Variants in EYS observed in about 807,000 individuals in gnomAD.
EYS encodes EGF-like photoreceptor maintenance factor, also known as protein eyes shut homolog.
EYS carries 250 observed loss-of-function variants against 282.1 expected under a neutral mutation model. The observed-to-expected ratio is 0.89, with a 90% CI of 0.80 to 0.98. The LOEUF is 0.98. EYS is among the 50% of genes least tolerant of loss of function. The pLI, the probability that EYS is intolerant of heterozygous loss-of-function variation, is 0.00. For missense variants in EYS, 4,016 were observed against 3,709.0 expected, an observed-to-expected ratio of 1.08 and a Z score of -2.15; for synonymous variants, 1,355 against 1,282.9, an observed-to-expected ratio of 1.06 and a Z score of -1.20.
intron 1 of EYS, among the ~76,000 whole-genome samples, chr6:65,688,834 A>T (rs1582605186): frequency 6.6e-6 from 1 of 151,964 alleles, no homozygotes; most frequent in East Asian, 2.0e-4. Flanking sequence ...ATACCATCTC[A>T]CACCAGTTAG....
At chr6:64,979,892 C>T (rs1189391623) in intron 14 of EYS, among the ~76,000 whole-genome samples, 1 of 151,372 alleles carries the variant, frequency 6.6e-6, no homozygotes, top group African/African-American at 2.4e-5. Context: ...GTGAGTTGGA[C>T]AAATTATTTT....
At chr6:65,377,002 C>T (rs1360714073) in intron 8 of EYS, among the ~76,000 whole-genome samples, 1 of 152,140 alleles carries the variant, frequency 6.6e-6, no homozygotes, top group African/African-American at 2.4e-5. Flanking sequence ...AGGACTTGAA[C>T]TCACCTCTGG....
intron 2 of EYS, among the ~76,000 whole-genome samples, chr6:65,602,138 T>G (rs1765635931): frequency 6.6e-6 from 1 of 151,864 alleles, no homozygotes; most frequent in African/African-American, 2.4e-5. Flanking sequence ...GTTCAACAAT[T>G]TAAAGTATCT....
chr6:64,532,038 A>C (rs1358516368), intron 26 of EYS, among the ~76,000 whole-genome samples: 1 of 152,162 alleles, frequency 6.6e-6, no homozygotes, highest in Non-Finnish European at 1.5e-5. Context: ...GTTTTTATGC[A>C]ATTGTCTCCA....
chr6:64,908,909 C>T (rs1202915759), intron 16 of EYS, among the ~76,000 whole-genome samples: 1 of 152,128 alleles, frequency 6.6e-6, no homozygotes, highest in Non-Finnish European at 1.5e-5. Flanking sequence ...GCGCACCAAA[C>T]AGGAAGACAA....
chr6:64,822,905 C>A, intron 19 of EYS, 83 bp from the exon 20 acceptor site: 1 of 1,138,516 alleles, frequency 8.8e-7, no homozygotes, highest in Non-Finnish European at 1.2e-6. Flanking sequence ...TAAACATCAC[C>A]AAGAAATGAA....
chr6:64,361,532 C>T (rs1227526395), intron 29 of EYS, among the ~76,000 whole-genome samples: 1 of 151,686 alleles, frequency 6.6e-6, no homozygotes, highest in Non-Finnish European at 1.5e-5. Flanking sequence ...CAATCAGGCT[C>T]ATTTTTGATC....
intron 2 of EYS, among the ~76,000 whole-genome samples, chr6:65,511,552 C>T (rs1766868182): frequency 6.6e-6 from 1 of 152,104 alleles, no homozygotes; most frequent in Admixed American, 6.6e-5. Flanking sequence ...TGGAATCCAC[C>T]TGCCCTAACC....
chr6:63,834,205 C>G (rs1313147729), intron 36 of EYS, among the ~76,000 whole-genome samples: 1 of 152,066 alleles, frequency 6.6e-6, no homozygotes, highest in Non-Finnish European at 1.5e-5. Context: ...CAAAAATAGA[C>G]AAATGGGATC....
chr6:64,737,764 C>A (rs932805544), intron 22 of EYS, among the ~76,000 whole-genome samples: 1 of 152,074 alleles, frequency 6.6e-6, no homozygotes, highest in African/African-American at 2.4e-5. Context: ...AGACTCAGAT[C>A]TACTACAAAG....
chr6:64,892,781 T>C (rs1185192071), intron 18 of EYS, among the ~76,000 whole-genome samples: 1 of 152,108 alleles, frequency 6.6e-6, no homozygotes. Flanking sequence ...GTAAATTCTC[T>C]AGTAGAATAA....
chr6:65,281,755 G>A (rs1411944635), intron 12 of EYS, among the ~76,000 whole-genome samples: 1 of 152,050 alleles, frequency 6.6e-6, no homozygotes, highest in Non-Finnish European at 1.5e-5. Flanking sequence ...TGACATTGGG[G>A]ACTTCTTTTG....
At chr6:65,109,837 G>T (rs1017921467) in intron 12 of EYS, among the ~76,000 whole-genome samples, 1 of 151,840 alleles carries the variant, frequency 6.6e-6, no homozygotes, top group Non-Finnish European at 1.5e-5. Flanking sequence ...TCACCCTCTC[G>T]TACCTTCAGA....
At chr6:65,480,264 A>T (rs1412496051) in intron 5 of EYS, among the ~76,000 whole-genome samples, 1 of 152,302 alleles carries the variant, frequency 6.6e-6, no homozygotes, top group East Asian at 1.9e-4. Flanking sequence ...TCTATCCAGG[A>T]CATATACAGT....
intron 13 of EYS, among the ~76,000 whole-genome samples, chr6:65,039,790 G>T (rs930729896): frequency 1.3e-5 from 2 of 151,442 alleles, no homozygotes; most frequent in Admixed American, 1.3e-4. Context: ...TGGTATCTTA[G>T]TAAAAAAGGG....
intron 2 of EYS, among the ~76,000 whole-genome samples, chr6:65,591,793 C>T (rs536196455): frequency 3.9e-5 from 6 of 151,916 alleles, no homozygotes; most frequent in Non-Finnish European, 7.4e-5. Context: ...TATATACTCT[C>T]TCATAATTTG....
At chr6:65,568,387 C>T (rs1764360349) in intron 2 of EYS, among the ~76,000 whole-genome samples, 2 of 150,868 alleles carry the variant, frequency 1.3e-5, no homozygotes, top group South Asian at 4.2e-4. Context: ...ATTTTAAAGG[C>T]TTCTGTGTAT....
At chr6:64,177,462 C>T in intron 31 of EYS, among the ~76,000 whole-genome samples, 1 of 151,794 alleles carries the variant, frequency 6.6e-6, no homozygotes, top group East Asian at 1.9e-4. Flanking sequence ...TTAAATTATT[C>T]TTCTAATTAG....
chr6:64,216,240 G>T (rs1421278077), intron 31 of EYS, among the ~76,000 whole-genome samples: 1 of 152,212 alleles, frequency 6.6e-6, no homozygotes, highest in Non-Finnish European at 1.5e-5. Flanking sequence ...GTAATCATGT[G>T]CAAGAACAAA....
Sources: allele counts gnomAD v4.1 joint callset (sites outside exome capture counted in the v4.1 genomes callset), GRCh38; gene constraint gnomAD v4.1.1; transcripts MANE v1.5; gene names NCBI Gene and HGNC (gene_info 2026-07-23, HGNC 2026-07-21).